The following CHMP3 variants were observed in gnomAD, a reference collection of about 807,000 sequenced individuals.
CHMP3 encodes charged multivesicular body protein 3, also known as 25.1 protein.
In CHMP3, 8 loss-of-function variants were observed where a neutral mutation model predicts 27.4. The ratio of observed to expected loss-of-function variants is 0.29; its 90% confidence interval spans 0.17 to 0.53. The LOEUF is 0.53. Among genes scored for constraint, CHMP3 ranks in the 20% least tolerant of loss-of-function variants. The pLI, the probability that CHMP3 is intolerant of heterozygous loss-of-function variation, is 0.96. For missense variants in CHMP3, 208 were observed against 271.5 expected, an observed-to-expected ratio of 0.77 and a Z score of 1.64; for synonymous variants, 86 against 85.5, an observed-to-expected ratio of 1.01 and a Z score of -0.03.
intron 2 of CHMP3, among the ~76,000 whole-genome samples, chr2:86,537,108 A>G (rs969239232): frequency 3.3e-5 from 5 of 152,078 alleles, no homozygotes; most frequent in Admixed American, 3.3e-4. Flanking sequence ...CAAGCAACAC[A>G]CCTGCCTCAG....
Position 86,505,797 on chromosome 2 carries a change from G to A in CHMP3, c.*7C>T. On this transcript the variant is annotated 3_prime_UTR_variant, in exon 6 of 6. Transcript: ENST00000263856. Reference sequence around the variant, plus strand: ...AGTGTGTGCACACCCAGCGGGGTAGGCAGCCCCTAGCTGCGGAGTGTGGCC... The same window carrying A: ...AGTGTGTGCACACCCAGCGGGGTAGACAGCCCCTAGCTGCGGAGTGTGGCC... 1 of 1,571,730 alleles carries A rather than the reference G, an allele frequency of 6.4e-7. No homozygotes were observed.
chr2:86,511,902 T>C (rs1260170424), intron 3 of CHMP3: 1 of 152,190 alleles, frequency 6.6e-6, no homozygotes, highest in African/African-American at 2.4e-5. Context: ...ACTGAATCAT[T>C]TGTATTCTGA....
chr2:86,537,070 G>C (rs1448746826), intron 2 of CHMP3, among the ~76,000 whole-genome samples: 7 of 151,998 alleles, frequency 4.6e-5, no homozygotes, highest in Non-Finnish European at 8.8e-5. Flanking sequence ...TTGCCGTGTT[G>C]CCCAGGCTGG....
chr2:86,553,207 A>G (rs914201931), intron 1 of CHMP3, among the ~76,000 whole-genome samples: 1 of 151,886 alleles, frequency 6.6e-6, no homozygotes, highest in African/African-American at 2.4e-5. Flanking sequence ...GTTGGAGGAA[A>G]AAAAAAAAAA....
At chr2:86,535,692 A>C (rs1397931217) in intron 2 of CHMP3, among the ~76,000 whole-genome samples, 1 of 151,966 alleles carries the variant, frequency 6.6e-6, no homozygotes, top group Non-Finnish European at 1.5e-5. Flanking sequence ...TTTTAGTAGA[A>C]ACTGGGTTTC....
chr2:86,543,545 T>C (rs1300314818), intron 1 of CHMP3, among the ~76,000 whole-genome samples: 1 of 152,242 alleles, frequency 6.6e-6, no homozygotes, highest in Admixed American at 6.5e-5. Context: ...CTGTCCAAAC[T>C]TGGACTGGCA....
intron 1 of CHMP3, among the ~76,000 whole-genome samples, chr2:86,550,211 TC>T (rs1676847228): frequency 1.3e-5 from 2 of 152,056 alleles, no homozygotes. Flanking sequence ...CCCCGTCTCC[TC>T]CAAAAATGCA....
intron 3 of CHMP3, among the ~76,000 whole-genome samples, chr2:86,524,681 G>A (rs1307902865): frequency 6.6e-6 from 1 of 152,066 alleles, no homozygotes; most frequent in Non-Finnish European, 1.5e-5. Flanking sequence ...AATCCCCTGT[G>A]GACACCGAGG....
intron 2 of CHMP3, among the ~76,000 whole-genome samples, chr2:86,535,159 G>T (rs910901143): frequency 3.3e-5 from 5 of 151,310 alleles, no homozygotes; most frequent in African/African-American, 1.2e-4. Context: ...GGCAGGCTGA[G>T]ATGGGAGGAT....
At chr2:86,545,601 G>A (rs1179184916) in intron 1 of CHMP3, among the ~76,000 whole-genome samples, 4 of 122,298 alleles carry the variant, frequency 3.3e-5, no homozygotes, top group African/African-American at 9.6e-5. Context: ...GGGCAGAGGC[G>A]CTCCTCACTT....
At chr2:86,535,249 T>A (rs1676080811) in intron 2 of CHMP3, among the ~76,000 whole-genome samples, 1 of 142,810 alleles carries the variant, frequency 7.0e-6, no homozygotes, top group Non-Finnish European at 1.5e-5. Context: ...AGCAAGACCC[T>A]ATCTCCAAAA....
chr2:86,553,020 C>T (rs1429126472), intron 1 of CHMP3, among the ~76,000 whole-genome samples: 65 of 21,982 alleles, frequency 3.0e-3, no homozygotes, highest in Admixed American at 6.9e-3. Flanking sequence ...GGGTGGAGAT[C>T]GGGTGGGGGC....
At chr2:86,545,437 GCTCCTCA>G (rs1676538666) in intron 1 of CHMP3, among the ~76,000 whole-genome samples, 1 of 92,464 alleles carries the variant, frequency 1.1e-5, no homozygotes, top group African/African-American at 3.4e-5. Context: ...GGGCAGAGGC[GCTCCTCA>G]CTCCCCACTT....
rs1674792619 is a variant in CHMP3, at chr2:86,503,954, C to G, written c.*1850G>C. On this transcript the variant is annotated 3_prime_UTR_variant, in exon 6 of 6. Transcript: ENST00000263856. ...TGAGGGTGGAGGGTGGGAAAAGGGA[C>G]AGGACCAGAAAAGTAACTATTGGGT... 6.6e-6 allele frequency: 1 copy of G among 152,124 alleles called. No individual in the cohort carries two copies. Among genetic ancestry groups the G allele is most frequent in the African/African-American group, 2.4e-5 (1 of 41,422 alleles). The allele number at this position is 152,124 out of a possible 1,614,324, so 9.4% of individuals were successfully genotyped here. A position where few individuals can be genotyped will look rare whatever the true frequency, so the allele number is the denominator to read the frequency against.
chr2:86,536,509 T>TTTCAGTATTGAA (rs1558654156), intron 2 of CHMP3, among the ~76,000 whole-genome samples: 1 of 151,512 alleles, frequency 6.6e-6, no homozygotes, highest in Non-Finnish European at 1.5e-5. Flanking sequence ...AGGCCTTTTC[T>TTTCAGTATTGAA]TTCAGTATTG....
intron 2 of CHMP3, among the ~76,000 whole-genome samples, chr2:86,536,035 G>A (rs868207652): frequency 8.4e-6 from 1 of 118,524 alleles, no homozygotes; most frequent in Non-Finnish European, 1.6e-5. Flanking sequence ...TCGCTCTGTC[G>A]CCCAGGCTGG....
intron 4 of CHMP3, among the ~76,000 whole-genome samples, chr2:86,509,530 C>T (rs1675018003): frequency 6.6e-6 from 1 of 152,184 alleles, no homozygotes; most frequent in Non-Finnish European, 1.5e-5. Flanking sequence ...TTTCTATGCA[C>T]AGCCTCTATA....
intron 1 of CHMP3, among the ~76,000 whole-genome samples, chr2:86,547,516 G>T (rs895231852): frequency 6.6e-6 from 1 of 152,162 alleles, no homozygotes; most frequent in Non-Finnish European, 1.5e-5. Flanking sequence ...TTCTCAACCT[G>T]AACTACACAA....
intron 2 of CHMP3, among the ~76,000 whole-genome samples, chr2:86,533,023 G>A (rs1675989045): frequency 6.6e-6 from 1 of 152,162 alleles, no homozygotes; most frequent in Non-Finnish European, 1.5e-5. Context: ...TTAACTGTTT[G>A]ATAGAATTTA....
Sources: allele counts gnomAD v4.1 joint callset (sites outside exome capture counted in the v4.1 genomes callset), GRCh38; gene constraint gnomAD v4.1.1; transcripts MANE v1.5; gene names NCBI Gene and HGNC (gene_info 2026-07-23, HGNC 2026-07-21).